Variants in GRM7 observed in about 807,000 individuals in gnomAD.
GRM7 encodes the protein glutamate metabotropic receptor 7, also known as metabotropic glutamate receptor 7.
GRM7 carries 35 observed loss-of-function variants against 84.5 expected under a neutral mutation model. The observed-to-expected ratio is 0.41, with a 90% CI of 0.32 to 0.55. The LOEUF is 0.55. Among genes scored for constraint, GRM7 ranks in the 20% least tolerant of loss-of-function variants. The pLI is 0.19. For missense variants in GRM7, 1,003 were observed against 1,194.6 expected (o/e 0.84, Z 2.36); for synonymous variants, 487 against 455.1 (o/e 1.07, Z -0.89).
At chr3:7,297,088 C>T (rs1455671076) in intron 2 of GRM7, among the ~76,000 whole-genome samples, 2 of 151,870 alleles carry the variant, frequency 1.3e-5, no homozygotes, top group Admixed American at 6.6e-5. Flanking sequence ...TGAATGTTTA[C>T]GTTGCTGATT....
chr3:7,260,094 T>C (rs1178845357), intron 2 of GRM7, among the ~76,000 whole-genome samples: 1 of 152,100 alleles, frequency 6.6e-6, no homozygotes, highest in Middle Eastern at 3.2e-3. Flanking sequence ...GTATGTCTTC[T>C]TTTGAAAAGT....
intron 1 of GRM7, among the ~76,000 whole-genome samples, chr3:7,146,022 T>C (rs1694099393): frequency 6.6e-6 from 1 of 152,222 alleles, no homozygotes; most frequent in African/African-American, 2.4e-5. Flanking sequence ...AGATGGCTAA[T>C]GATATCCACC....
chr3:7,406,361 A>G (rs1021756176), intron 4 of GRM7, among the ~76,000 whole-genome samples: 7 of 151,922 alleles, frequency 4.6e-5, no homozygotes, highest in Admixed American at 4.6e-4. Flanking sequence ...TTAGCCAGGC[A>G]TAGTGGCGGG....
At chr3:7,449,425 A>G (rs1265489088) in intron 5 of GRM7, among the ~76,000 whole-genome samples, 9 of 152,168 alleles carry the variant, frequency 5.9e-5, no homozygotes, top group Non-Finnish European at 1.2e-4. Context: ...CAGAAACCCA[A>G]TAAATGGACC....
chr3:6,931,768 C>G (rs773828744), intron 1 of GRM7, among the ~76,000 whole-genome samples: 3 of 152,308 alleles, frequency 2.0e-5, no homozygotes, highest in African/African-American at 7.2e-5. Flanking sequence ...GCTCAAGAAC[C>G]GTGTCTCTCT....
chr3:6,943,797 C>A (rs1387058029), intron 1 of GRM7, among the ~76,000 whole-genome samples: 1 of 151,972 alleles, frequency 6.6e-6, no homozygotes, highest in Admixed American at 6.6e-5. Context: ...CTAAACAATT[C>A]TGAGCTTACT....
At chr3:6,981,409 C>A (rs1443261204) in intron 1 of GRM7, among the ~76,000 whole-genome samples, 2 of 152,146 alleles carry the variant, frequency 1.3e-5, no homozygotes, top group African/African-American at 4.8e-5. Context: ...TCTCCCATCC[C>A]TGCTAAAAAA....
At chr3:7,557,613 T>C (rs1693833731) in intron 7 of GRM7, among the ~76,000 whole-genome samples, 1 of 152,130 alleles carries the variant, frequency 6.6e-6, no homozygotes, top group African/African-American at 2.4e-5. Flanking sequence ...AAAATGATTA[T>C]AAAGATGTAG....
chr3:7,703,242 G>A (rs1701283430), intron 9 of GRM7, among the ~76,000 whole-genome samples: 1 of 152,092 alleles, frequency 6.6e-6, no homozygotes, highest in Admixed American at 6.6e-5. Flanking sequence ...TATTAATAAT[G>A]CAAATTTTGG....
At chr3:7,336,921 C>G (rs117625207) in intron 4 of GRM7, among the ~76,000 whole-genome samples, 1 of 152,038 alleles carries the variant, frequency 6.6e-6, no homozygotes, top group African/African-American at 2.4e-5. Flanking sequence ...AAAACACATT[C>G]CATGGTCATG....
intron 1 of GRM7, among the ~76,000 whole-genome samples, chr3:7,071,540 C>T (rs919521138): frequency 3.9e-5 from 6 of 151,958 alleles, no homozygotes; most frequent in African/African-American, 1.2e-4. Context: ...TTTGCATTCT[C>T]GGGTGAGCCA....
chr3:6,956,746 C>G (rs888355482), intron 1 of GRM7: 13 of 424,916 alleles, frequency 3.1e-5, no homozygotes, highest in Middle Eastern at 3.5e-4. Flanking sequence ...TGTAGAATGT[C>G]TCTTATATAT....
intron 4 of GRM7, among the ~76,000 whole-genome samples, chr3:7,405,528 G>A (rs955274915): frequency 1.3e-5 from 2 of 151,796 alleles, no homozygotes; most frequent in South Asian, 2.1e-4. Context: ...TGTAGGGAGC[G>A]GTGACATGAG....
At chr3:7,382,029 C>T (rs1231631034) in intron 4 of GRM7, among the ~76,000 whole-genome samples, 3 of 152,094 alleles carry the variant, frequency 2.0e-5, no homozygotes, top group Non-Finnish European at 2.9e-5. Context: ...AGTTAAGTCA[C>T]TATCAAATGC....
intron 4 of GRM7, among the ~76,000 whole-genome samples, chr3:7,394,194 G>A (rs1159193584): frequency 2.0e-5 from 3 of 152,074 alleles, no homozygotes; most frequent in Non-Finnish European, 4.4e-5. Flanking sequence ...CCTCTCTCTT[G>A]TCCTAACTTC....
chr3:7,097,468 A>G (rs1408113848), intron 1 of GRM7, among the ~76,000 whole-genome samples: 1 of 152,128 alleles, frequency 6.6e-6, no homozygotes, highest in Non-Finnish European at 1.5e-5. Context: ...AGTTCCTGAA[A>G]CATTTTATCC....
intron 1 of GRM7, among the ~76,000 whole-genome samples, chr3:7,082,915 T>G (rs570092039): frequency 6.6e-5 from 10 of 152,156 alleles, no homozygotes; most frequent in Non-Finnish European, 1.3e-4. Context: ...TAAACTTGAA[T>G]GAACGAGGAA....
intron 9 of GRM7, among the ~76,000 whole-genome samples, chr3:7,715,342 A>G (rs1183006301): frequency 6.6e-6 from 1 of 152,136 alleles, no homozygotes; most frequent in East Asian, 1.9e-4. Context: ...ACATGGTGAC[A>G]TGTGCCTGTA....
intron 1 of GRM7, among the ~76,000 whole-genome samples, chr3:6,909,099 G>T (rs1221995196): frequency 1.3e-5 from 2 of 152,060 alleles, no homozygotes; most frequent in South Asian, 4.1e-4. Flanking sequence ...AGCTCAGCAG[G>T]TAGTTTACTA....
Sources: gnomAD v4.1 joint callset for allele counts (sites outside exome capture counted in the v4.1 genomes callset) on GRCh38, gnomAD v4.1.1 for gene constraint, MANE v1.5 for transcripts, NCBI Gene and HGNC (gene_info 2026-07-23, HGNC 2026-07-21) for gene names.